BRD9: variants seen among roughly 807,000 people sequenced by gnomAD.
BRD9 encodes bromodomain containing 9.
BRD9 carries 47 observed loss-of-function variants against 68.7 expected under a neutral mutation model. The observed-to-expected ratio is 0.68, with a 90% CI of 0.54 to 0.87. The LOEUF is 0.87. Among genes scored for constraint, BRD9 ranks in the 40% least tolerant of loss-of-function variants. BRD9 has a pLI of 0.00. For missense variants in BRD9, 670 were observed against 748.4 expected (o/e 0.90, Z 1.22); for synonymous variants, 313 against 293.9 (o/e 1.06, Z -0.67).
rs1455962361 is a variant in BRD9 at position 886,695 on chromosome 5, A to G, written c.730T>C (p.Leu244=). 6 of 1,614,170 alleles carry G rather than the reference A, an allele frequency of 3.7e-6. No individual in the cohort carries two copies. The highest frequency in any genetic ancestry group is 1.7e-5 in the Admixed American group (1 of 60,036). ...FKMMSKQAAL[L]GNEDTAVEEP... ...TCAACAGCTGTATCTTCATTGCCCA[A>G]AAGAGCTGCCTGCTGAGAAAAATCC... Residue 244 remains leucine (L), a synonymous_variant, in exon 7 of 16, where the codon TTG becomes CTG. Coordinates refer to ENST00000467963, the MANE Select transcript of BRD9 (RefSeq NM_023924.5).
At chr5:875,936 G>A (rs1029693650) in intron 12 of BRD9, among the ~76,000 whole-genome samples, 165 bp downstream of exon 12, 2 of 152,322 alleles carry the variant, frequency 1.3e-5, no homozygotes, top group Admixed American at 1.3e-4. Flanking sequence ...GGTCTCCGGG[G>A]GACACCTGCC....
At chr5:884,771 C>T (rs1397396437) in intron 7 of BRD9, among the ~76,000 whole-genome samples, 1 of 152,270 alleles carries the variant, frequency 6.6e-6, no homozygotes, top group South Asian at 2.1e-4. Flanking sequence ...CTTGCCTGAC[C>T]TACAGTGACA....
intron 4 of BRD9, among the ~76,000 whole-genome samples, 193 bp downstream of exon 4, chr5:889,389 CACTCT>C (rs1264023755): frequency 6.6e-6 from 1 of 152,162 alleles, no homozygotes; most frequent in Non-Finnish European, 1.5e-5. Context: ...TGACTTCCCT[CACTCT>C]ACTCTGACTT....
At chr5:885,899 T>C (rs1397239517) in intron 7 of BRD9, among the ~76,000 whole-genome samples, 2 of 152,304 alleles carry the variant, frequency 1.3e-5, no homozygotes, top group South Asian at 4.1e-4. Flanking sequence ...GAATGACGTG[T>C]GATACGGACT....
chr5:887,609 C>A (rs1368265424), intron 5 of BRD9, 138 bp from the exon 6 acceptor site: 2 of 706,200 alleles, frequency 2.8e-6, no homozygotes, highest in Non-Finnish European at 4.9e-6. Flanking sequence ...CTGATCTAAA[C>A]ATAACGTTTA....
intron 4 of BRD9, 99 bp from the exon 5 acceptor site, chr5:889,264 T>A: frequency 7.8e-7 from 1 of 1,287,836 alleles, no homozygotes; most frequent in Non-Finnish European, 1.1e-6. Flanking sequence ...CGAATTTTGT[T>A]TCTTAAAAAT....
At chr5:870,600 A>G (rs111813145) in intron 13 of BRD9, 25 bp from the exon 14 acceptor site, 3 of 1,540,158 alleles carry the variant, frequency 1.9e-6, no homozygotes, top group Admixed American at 3.5e-5. Context: ...ACACATCAAG[A>G]GCAATTCAAA....
At position 889,139 on chromosome 5, in the gene BRD9, A is replaced by G. The variant is rs1377285845; in HGVS notation, c.488T>C (p.Phe163Ser). ...AGGAGCAATTGCATCCGTGACAGGA[A>G]AAGCAAAAAATCCATGGGGATCTTT... is the stretch of plus-strand genomic sequence containing the variant. ...QRKDPHGFFA[F>S]PVTDAIAPGY... The change falls in exon 5 of 16, where the codon TTT (phenylalanine) becomes TCT (serine). Residue 163 changes from phenylalanine (F) to serine (S), a missense_variant. Phe to Ser is a radical substitution (Grantham distance 155). Around this residue, in one of 5 missense-constraint regions of BRD9, gnomAD observed 94 missense variants for 157.2 expected, o/e 0.60. Coordinates refer to ENST00000467963, the MANE Select transcript of BRD9 (RefSeq NM_023924.5). The G allele has an allele frequency of 1.2e-6, 2 of 1,609,664 alleles. No homozygotes were observed. The highest frequency in any genetic ancestry group is 4.5e-5 in the East Asian group (2 of 44,794).
In BRD9 at chr5:892,712, G is replaced by T. The variant is rs566005075; in HGVS notation, c.-55C>A. On this transcript the variant is annotated 5_prime_UTR_variant, in exon 1 of 16. Transcript: ENST00000467963. ...GGCTGGGAACAGCTGGCACCCGGTC[G>T]GACCTTGGCCGCCACCGCCCCCTGG... 2.3e-6 allele frequency: 3 copies of T among 1,302,528 alleles called. No homozygotes were observed. Among genetic ancestry groups the T allele is most frequent in the Non-Finnish European group, 2.9e-6 (3 of 1,021,904 alleles). The allele number at this position is 1,302,528 out of a possible 1,614,324, so 80.7% of individuals were successfully genotyped here. A position where few individuals can be genotyped will look rare whatever the true frequency, so the allele number is the denominator to read the frequency against.
chr5:885,996 C>T (rs1752497994), intron 7 of BRD9, among the ~76,000 whole-genome samples: 1 of 152,194 alleles, frequency 6.6e-6, no homozygotes, highest in Non-Finnish European at 1.5e-5. Flanking sequence ...GAAGAAGGTT[C>T]CCTGAAGGAC....
In BRD9 at chr5:887,418, G is replaced by C. The variant is rs73733976; in HGVS notation, c.660C>G (p.Thr220=). 7.8e-3 allele frequency: 12,647 copies of C among 1,614,026 alleles called. 661 individuals carry two copies. The African/African-American group carries it at 0.13, about 16-fold the overall frequency. The part of the protein sequence containing the change: ...DNAMTYNRPD[T]VYYKLAKKIL... ...TCTTCTTCGCCAACTTGTAGTACAC[G>C]GTATCTGGCCTATTGTATGTCATTG... The change falls in exon 6 of 16, where the codon ACC becomes ACG. Residue 220 remains threonine (T), a synonymous_variant. Coordinates refer to ENST00000467963, the MANE Select transcript of BRD9 (RefSeq NM_023924.5).
In BRD9 at chr5:868,256, A is replaced by C. The variant is rs537831661; in HGVS notation, c.1525+2217T>G. 1.6e-4 allele frequency among the ~76,000 whole-genome samples: 25 copies of C among 152,308 alleles called. No homozygotes were observed. In the South Asian group the frequency reaches 2.1e-3, roughly 13 times the overall value. Reference sequence around the variant, plus strand: ...CTCCCAAACAGCCTGAGGAACTGTGAGTCAATTAAACCTCTTTCCTTCACC... The same window carrying C: ...CTCCCAAACAGCCTGAGGAACTGTGCGTCAATTAAACCTCTTTCCTTCACC... On this transcript the variant is annotated intron_variant, in intron 14 of 15. Transcript: ENST00000467963.
chr5:871,654 G>T, intron 12 of BRD9, 90 bp from the exon 13 acceptor site: 2 of 1,237,788 alleles, frequency 1.6e-6, no homozygotes, highest in Non-Finnish European at 2.4e-6. Context: ...CGTAAAAATG[G>T]CTTGTGCGCT....
At chr5:891,902 C>A in intron 1 of BRD9, 48 bp from the exon 2 acceptor site, 1 of 1,545,778 alleles carries the variant, frequency 6.5e-7, no homozygotes. Context: ...GGTGCAAACG[C>A]CACGCAGCCA....
intron 5 of BRD9, among the ~76,000 whole-genome samples, 163 bp downstream of exon 5, chr5:888,858 G>A (rs546051378): frequency 2.0e-5 from 3 of 152,248 alleles, no homozygotes; most frequent in South Asian, 2.1e-4. Flanking sequence ...AAACGTTCAC[G>A]ACCAATCATT....
In BRD9 at chr5:886,679, G is replaced by C; in HGVS notation, c.746C>G (p.Thr249Arg). 1.2e-6 allele frequency: 2 copies of C among 1,614,170 alleles called. No individual in the cohort carries two copies. The highest frequency in any genetic ancestry group is 1.7e-6 in the Non-Finnish European group (2 of 1,180,006). Reference sequence around the variant, plus strand: ...TTCAGGGACAGGTTCCTCAACAGCTGTATCTTCATTGCCCAAAAGAGCTGC... The same window carrying C: ...TTCAGGGACAGGTTCCTCAACAGCTCTATCTTCATTGCCCAAAAGAGCTGC... ...KQAALLGNED[T>R]AVEEPVPEVV... is the part of the protein sequence containing the mutation. Residue 249 changes from threonine (T) to arginine (R), a missense_variant, in exon 7 of 16, where the codon ACA becomes AGA. Thr to Arg is a moderately conservative substitution (Grantham distance 71). Transcript: ENST00000467963.
In BRD9 at chr5:864,202, A is replaced by ATGACTCCC; in HGVS notation, c.*265_*266insGGGAGTCA. ...CCACACGCCCTTCGTGTATGACTCCACTCCTCAGGGTTCACGGGGCTGTGT... is the reference window on the plus strand; with the variant it reads ...CCACACGCCCTTCGTGTATGACTCCATGACTCCCCTCCTCAGGGTTCACGGGGCTGTGT... On this transcript the variant is annotated 3_prime_UTR_variant, in exon 16 of 16. Transcript: ENST00000467963. The ATGACTCCC allele has an allele frequency of 3.4e-6, 1 of 293,608 alleles. No homozygotes were observed. The highest frequency in any genetic ancestry group is 2.3e-5 in the African/African-American group (1 of 44,112). The allele number at this position is 293,608 out of a possible 1,614,324, so 18.2% of individuals were successfully genotyped here.
chr5:891,918 G>A (rs1303034856), intron 1 of BRD9, 64 bp from the exon 2 acceptor site: 13 of 1,539,956 alleles, frequency 8.4e-6, no homozygotes, highest in South Asian at 2.4e-5. Context: ...AGCCAGGTGA[G>A]ACGTGAAGGT....
chr5:885,301 C>T (rs970065372), intron 7 of BRD9, among the ~76,000 whole-genome samples: 7 of 152,234 alleles, frequency 4.6e-5, no homozygotes, highest in East Asian at 3.9e-4. Flanking sequence ...ACTCTGGCCA[C>T]GCAGCGCACC....
Sources: gnomAD v4.1 joint callset for allele counts (sites outside exome capture counted in the v4.1 genomes callset) on GRCh38, gnomAD v4.1.1 for gene constraint, gnomAD v4.1.1 regional missense constraint, MANE v1.5 for transcripts, NCBI Gene and HGNC (gene_info 2026-07-23, HGNC 2026-07-21) for gene names.